The following UGT2B15 variants were observed in gnomAD, a reference collection of about 807,000 sequenced individuals.
The protein encoded by UGT2B15 is UDP glucuronosyltransferase family 2 member B15, also known as UDP-glucuronosyltransferase 2B15.
Under a neutral mutation model 45.9 loss-of-function variants are expected in UGT2B15, and 36 were observed. The observed-to-expected ratio is 0.78, with a 90% confidence interval of 0.60 to 1.04. The LOEUF is 1.04. Ranked by LOEUF, UGT2B15 falls within the 50% of genes least tolerant of loss-of-function variation. The pLI is 0.00. For synonymous variants in UGT2B15, 219 were observed against 216.4 expected (o/e 1.01, Z -0.11); for missense variants, 617 against 622.4 (o/e 0.99, Z 0.09).
intron 2 of UGT2B15, among the ~76,000 whole-genome samples, chr4:68,663,750 C>T (rs1733034189): frequency 6.7e-6 from 1 of 149,402 alleles, no homozygotes; most frequent in Non-Finnish European, 1.5e-5. Context: ...CCCACTACCC[C>T]TCACTGCCCC....
At position 68,646,628 on chromosome 4, in the gene UGT2B15, CT is replaced by C. The variant is rs549347993; in HGVS notation, c.*475del. On this transcript the variant is annotated 3_prime_UTR_variant, in exon 6 of 6. Transcript: ENST00000338206. The stretch of plus-strand genomic sequence containing the variant: ...TTTATATTATTTTTATTTTTCTTTT[CT>C]TTTTTTTTTATGGCTTGGATGACAC... 49 of 141,734 alleles carry C rather than the reference CT, an allele frequency of 3.5e-4. No homozygotes were observed. The highest frequency in any genetic ancestry group is 2.0e-3 in the South Asian group (9 of 4,496). 8.8% of individuals were successfully genotyped at this position (141,734 alleles called of 1,614,324 possible). A position where few individuals can be genotyped will look rare whatever the true frequency, so the allele number is the denominator to read the frequency against.
At chr4:68,661,375 T>C (rs1485751625) in intron 3 of UGT2B15, among the ~76,000 whole-genome samples, 1 of 151,972 alleles carries the variant, frequency 6.6e-6, no homozygotes, top group Non-Finnish European at 1.5e-5. Flanking sequence ...TATCAGATAT[T>C]TGGGGTTCAC....
intron 5 of UGT2B15, among the ~76,000 whole-genome samples, chr4:68,649,291 T>TTC (rs1382738788): frequency 7.1e-6 from 1 of 140,002 alleles, no homozygotes; most frequent in Non-Finnish European, 1.5e-5. Context: ...TTTTTTTTTT[T>TTC]TTTTTTTGAG....
Position 68,647,288 on chromosome 4 carries a change from C to G in UGT2B15, c.1409G>C (p.Arg470Pro). Residue 470 changes from arginine (R) to proline (P), a missense_variant, in exon 6 of 6, where the codon CGC becomes CCC. Coordinates refer to ENST00000338206, the MANE Select transcript of UGT2B15 (RefSeq NM_001076.4). ...RAVFWIEFVM[R>P]HKGAKHLRVA... is the part of the protein sequence containing the mutation. ...TCGAAGGTGCTTGGCTCCTTTGTGG[C>G]GCATGACAAACTCAATCCAGAAGAC... The G allele has an allele frequency of 2.5e-6, 4 of 1,613,850 alleles. No individual in the cohort carries two copies. The highest frequency in any genetic ancestry group is 3.4e-6 in the Non-Finnish European group (4 of 1,179,876).
intron 3 of UGT2B15, among the ~76,000 whole-genome samples, chr4:68,660,894 A>T (rs78520527): frequency 0.71 from 107,803 of 151,660 alleles, 38,659 homozygotes; most frequent in East Asian, 0.79. Context: ...ATCCACTTTC[A>T]TACCTGCCTA....
intron 5 of UGT2B15, among the ~76,000 whole-genome samples, chr4:68,648,732 T>C (rs1732558006): frequency 6.6e-6 from 1 of 152,144 alleles, no homozygotes; most frequent in African/African-American, 2.4e-5. Context: ...TTTTAGTCAC[T>C]ATTTTTATCC....
rs150398834 is a variant in UGT2B15 at position 68,668,108 on chromosome 4, G to A, written c.805C>T (p.Arg269Cys). The change falls in exon 2 of 6, where the codon CGC becomes TGC. Residue 269 changes from arginine (R) to cysteine (C), a missense_variant. Physicochemically the swap from Arg to Cys is radical, Grantham distance 180. Around this residue, in one of 3 missense-constraint regions of UGT2B15, gnomAD observed 351 missense variants for 342.1 expected, o/e 1.03. Transcript: ENST00000338206. ...IRTYWDFEFP[R>C]PFLPNVDFVG... ...AAATCAACATTTGGTAAGAATGGGC[G>A]AGGAAATTCAAAATCCCAATAGGTT... 317 of 1,613,802 alleles carry A rather than the reference G, an allele frequency of 2.0e-4. 2 individuals carry two copies. The highest frequency in any genetic ancestry group is 3.3e-4 in the Middle Eastern group (2 of 6,078).
chr4:68,647,882 A>AT (rs926796776), intron 5 of UGT2B15, among the ~76,000 whole-genome samples: 1 of 151,674 alleles, frequency 6.6e-6, no homozygotes, highest in Non-Finnish European at 1.5e-5. Flanking sequence ...GCCTGGCTAT[A>AT]TTTTTTTATT....
At chr4:68,653,026 G>A (rs1479457242) in intron 5 of UGT2B15, among the ~76,000 whole-genome samples, 1 of 152,018 alleles carries the variant, frequency 6.6e-6, no homozygotes, top group Non-Finnish European at 1.5e-5. Context: ...GTGTTGGGAA[G>A]AGTGTGAAGA....
Position 68,647,000 on chromosome 4 carries a change from T to A in UGT2B15, c.*104A>T. 1.3e-6 allele frequency: 2 copies of A among 1,492,302 alleles called. No individual in the cohort carries two copies. Among genetic ancestry groups the A allele is most frequent in the East Asian group, 2.3e-5 (1 of 43,992 alleles). The allele number at this position is 1,492,302 out of a possible 1,614,324, so 92.4% of individuals were successfully genotyped here. Reference sequence around the variant, plus strand: ...CTTAACAAGGTAAGTTGTGAAAAGATGTTTTGTCACAGGAAAAAGGAAATC... The same window carrying A: ...CTTAACAAGGTAAGTTGTGAAAAGAAGTTTTGTCACAGGAAAAAGGAAATC... On this transcript the variant is annotated 3_prime_UTR_variant, in exon 6 of 6. Coordinates refer to ENST00000338206, the MANE Select transcript of UGT2B15 (RefSeq NM_001076.4).
intron 3 of UGT2B15, among the ~76,000 whole-genome samples, chr4:68,661,930 G>A (rs1255994297): frequency 2.0e-5 from 3 of 152,038 alleles, no homozygotes; most frequent in Non-Finnish European, 4.4e-5. Flanking sequence ...AGCATTGACA[G>A]CCTTGATATA....
At chr4:68,664,571 C>CT (rs369329588) in intron 2 of UGT2B15, among the ~76,000 whole-genome samples, 13,414 of 146,372 alleles carry the variant, frequency 0.092, 789 homozygotes, top group East Asian at 0.27. Context: ...TTTATGACAT[C>CT]TTTTTTTTTT....
chr4:68,655,715 G>A (rs1439210157), intron 3 of UGT2B15, among the ~76,000 whole-genome samples: 1 of 151,998 alleles, frequency 6.6e-6, no homozygotes, highest in Non-Finnish European at 1.5e-5. Context: ...CCGAACAAAT[G>A]TTCATCTTAT....
At position 68,668,091 on chromosome 4, in the gene UGT2B15, A is replaced by G. The variant is rs1299261317; in HGVS notation, c.822T>C (p.Asn274=). 55 of 1,613,900 alleles carry G rather than the reference A, an allele frequency of 3.4e-5. No individual in the cohort carries two copies. Among genetic ancestry groups the G allele is most frequent in the Non-Finnish European group, 4.3e-5 (51 of 1,179,952 alleles). Residue 274 remains asparagine (N), a synonymous_variant, in exon 2 of 6, where the codon AAT becomes AAC. Coordinates refer to ENST00000338206, the MANE Select transcript of UGT2B15 (RefSeq NM_001076.4). ...DFEFPRPFLP[N]VDFVGGLHCK... ...AGTGAAGTCCTCCAACAAAATCAAC[A>G]TTTGGTAAGAATGGGCGAGGAAATT...
chr4:68,666,747 TATA>T (rs1490404283), intron 2 of UGT2B15, among the ~76,000 whole-genome samples: 18 of 81,182 alleles, frequency 2.2e-4, no homozygotes, highest in African/African-American at 6.2e-4. Flanking sequence ...TATATATATA[TATA>T]TATTTTTTTT....
At chr4:68,660,719 G>T (rs79047301) in intron 3 of UGT2B15, among the ~76,000 whole-genome samples, 5,799 of 151,470 alleles carry the variant, frequency 0.038, 299 homozygotes, top group African/African-American at 0.11. Context: ...TTTTCATGGC[G>T]ACACGTCTTC....
rs1385005717 is a variant in UGT2B15 at position 68,666,189 on chromosome 4, G to C, written c.873+1851C>G. ...TTTTAAGCTAGAATATTAATGAAGA[G>C]CCTCCACCTTTACAATACAACTTTA... On this transcript the variant is annotated intron_variant, in intron 2 of 5. Transcript: ENST00000338206. 2.0e-5 allele frequency among the ~76,000 whole-genome samples: 3 copies of C among 152,002 alleles called. No individual in the cohort carries two copies. In the South Asian group the frequency reaches 6.2e-4, roughly 32 times the overall value.
intron 5 of UGT2B15, among the ~76,000 whole-genome samples, chr4:68,652,733 A>C (rs574102175): frequency 1.3e-5 from 2 of 150,338 alleles, no homozygotes; most frequent in African/African-American, 4.8e-5. Flanking sequence ...AAAAAAATCT[A>C]TCTGTCCATA....
chr4:68,669,644 A>T (rs1733241592), intron 1 of UGT2B15, among the ~76,000 whole-genome samples: 3 of 152,158 alleles, frequency 2.0e-5, no homozygotes, highest in Non-Finnish European at 4.4e-5. Context: ...TAGTTTAAAG[A>T]AATCATTAGT....
Sources: allele counts gnomAD v4.1 joint callset (sites outside exome capture counted in the v4.1 genomes callset), GRCh38; gene constraint gnomAD v4.1.1; regional missense constraint gnomAD v4.1.1; transcripts MANE v1.5; gene names NCBI Gene and HGNC (gene_info 2026-07-23, HGNC 2026-07-21).